DAB1: variants seen among roughly 807,000 people sequenced by gnomAD.
DAB1 encodes disabled homolog 1.
Under a neutral mutation model 64.6 loss-of-function variants are expected in DAB1, and 15 were observed. The observed-to-expected ratio is 0.23, with a 90% confidence interval of 0.16 to 0.36. The LOEUF is 0.36. Among genes scored for constraint, DAB1 ranks in the 10% least tolerant of loss-of-function variants. DAB1 has a pLI of 1.00. For missense variants in DAB1, 596 were observed against 706.7 expected, an observed-to-expected ratio of 0.84 and a Z score of 1.78; for synonymous variants, 235 against 251.9, an observed-to-expected ratio of 0.93 and a Z score of 0.64.
intron 4 of DAB1, among the ~76,000 whole-genome samples, chr1:57,075,409 T>C (rs934089310): frequency 2.0e-5 from 3 of 152,196 alleles, no homozygotes; most frequent in African/African-American, 7.2e-5. Flanking sequence ...TTCTCTCTCA[T>C]AGTTAATTTT....
intron 6 of DAB1, among the ~76,000 whole-genome samples, chr1:57,692,311 T>A (rs1646773505): frequency 6.6e-6 from 1 of 151,792 alleles, no homozygotes; most frequent in Non-Finnish European, 1.5e-5. Flanking sequence ...TGATTTCTAG[T>A]ATAAACTAAG....
intron 6 of DAB1, among the ~76,000 whole-genome samples, chr1:57,666,744 C>A (rs1646452255): frequency 6.6e-6 from 1 of 152,168 alleles, no homozygotes; most frequent in African/African-American, 2.4e-5. Flanking sequence ...CTACCATCAT[C>A]TTTCACCTTG....
chr1:57,922,337 G>A (rs371731401), intron 5 of DAB1, among the ~76,000 whole-genome samples: 2 of 151,822 alleles, frequency 1.3e-5, no homozygotes, highest in Admixed American at 6.6e-5. Context: ...AAGAAATGAA[G>A]GATGTGTAGA....
chr1:57,771,518 G>A (rs1649560280), intron 6 of DAB1, among the ~76,000 whole-genome samples: 1 of 152,120 alleles, frequency 6.6e-6, no homozygotes, highest in South Asian at 2.1e-4. Context: ...AGTTAGAGAA[G>A]AGTAGTTATC....
At chr1:57,878,115 TAAC>T (rs1413338873) in intron 1 of DAB1, among the ~76,000 whole-genome samples, 6 of 151,888 alleles carry the variant, frequency 4.0e-5, no homozygotes, top group African/African-American at 1.4e-4. Context: ...CATATGTCAA[TAAC>T]AACATGAAAA....
Position 58,303,422 on chromosome 1 carries a change from C to G in DAB1, n.309+39930G>C, listed in dbSNP as rs77102955. 4.4e-3 allele frequency among the ~76,000 whole-genome samples: 676 copies of G among 152,186 alleles called. 10 individuals are homozygous for G. The highest frequency in any genetic ancestry group is 0.038 in the East Asian group (195 of 5,174). On this transcript the variant is annotated intron_variant and non_coding_transcript_variant, in intron 4 of 20. Transcript: ENST00000485760. Reference sequence around the variant, plus strand: ...GGTCCTTCCCAGACCCTGACTGATACAAGTTTAATATGGAGATGAACAGAA... The same window carrying G: ...GGTCCTTCCCAGACCCTGACTGATAGAAGTTTAATATGGAGATGAACAGAA...
chr1:58,499,513 G>GATAGATAGATAA (rs1244891948), intron 3 of DAB1, among the ~76,000 whole-genome samples: 13 of 149,396 alleles, frequency 8.7e-5, no homozygotes, highest in East Asian at 5.9e-4. Flanking sequence ...TAGATAAATA[G>GATAGATAGATAA]ATAGATAGAT....
intron 3 of DAB1, among the ~76,000 whole-genome samples, chr1:58,440,147 A>G (rs1644992397): frequency 6.6e-6 from 1 of 152,206 alleles, no homozygotes; most frequent in African/African-American, 2.4e-5. Context: ...GCCTGGGAAG[A>G]TTTCCAAGAT....
intron 6 of DAB1, among the ~76,000 whole-genome samples, chr1:57,662,808 T>C (rs1222410684): frequency 6.6e-6 from 1 of 152,220 alleles, no homozygotes; most frequent in Non-Finnish European, 1.5e-5. Context: ...ACAGATCACC[T>C]ATGGGAAATG....
intron 5 of DAB1, among the ~76,000 whole-genome samples, chr1:58,028,064 T>C (rs1019663545): frequency 1.3e-5 from 2 of 152,184 alleles, no homozygotes; most frequent in African/African-American, 2.4e-5. Flanking sequence ...ATCTGTAGAA[T>C]ATAATTCCCA....
At chr1:58,419,007 C>A (rs1056084010) in intron 3 of DAB1, among the ~76,000 whole-genome samples, 2 of 152,184 alleles carry the variant, frequency 1.3e-5, no homozygotes, top group Non-Finnish European at 2.9e-5. Flanking sequence ...TAAGAGCCAG[C>A]ACATCAGCCC....
At chr1:57,566,459 A>G (rs1162365075) in intron 7 of DAB1, among the ~76,000 whole-genome samples, 2 of 152,138 alleles carry the variant, frequency 1.3e-5, no homozygotes, top group Non-Finnish European at 2.9e-5. Flanking sequence ...GACACAAAAA[A>G]CCCTTCAAAA....
chr1:57,794,347 T>C (rs1025444259), intron 6 of DAB1, among the ~76,000 whole-genome samples: 2 of 152,242 alleles, frequency 1.3e-5, no homozygotes, highest in South Asian at 2.1e-4. Context: ...TTGGTTTCTG[T>C]GTATCTCTCT....
intron 6 of DAB1, among the ~76,000 whole-genome samples, chr1:57,805,273 A>G (rs2101877523): frequency 6.6e-6 from 1 of 152,344 alleles, no homozygotes; most frequent in African/African-American, 2.4e-5. Flanking sequence ...AAGTATTTCA[A>G]GGTGCTTGGA....
chr1:58,099,258 A>G (rs952065956), intron 5 of DAB1, among the ~76,000 whole-genome samples: 1 of 152,140 alleles, frequency 6.6e-6, no homozygotes, highest in African/African-American at 2.4e-5. Context: ...TTCTGGCCAC[A>G]TCTCTCTCCC....
At chr1:57,325,041 A>G (rs909282842) in intron 1 of DAB1, among the ~76,000 whole-genome samples, 22 of 152,224 alleles carry the variant, frequency 1.4e-4, no homozygotes, top group African/African-American at 5.3e-4. Flanking sequence ...AATAAGCCAC[A>G]TGTATCCTGT....
intron 7 of DAB1, among the ~76,000 whole-genome samples, chr1:57,479,352 T>C (rs1292664355): frequency 6.6e-6 from 1 of 151,652 alleles, no homozygotes; most frequent in East Asian, 1.9e-4. Flanking sequence ...GGACATAATG[T>C]ATAAGAAAAG....
intron 1 of DAB1, chr1:57,862,974 T>C (rs1654129382): frequency 6.6e-6 from 1 of 152,200 alleles, no homozygotes; most frequent in Non-Finnish European, 1.5e-5. Context: ...TAAAGACTTG[T>C]GCACAAATGA....
chr1:57,255,310 C>G (rs1327674141), intron 2 of DAB1, among the ~76,000 whole-genome samples: 2 of 151,996 alleles, frequency 1.3e-5, no homozygotes, highest in East Asian at 3.9e-4. Flanking sequence ...TCTATGAATC[C>G]CAAACAATGC....
Sources: gnomAD v4.1 joint callset for allele counts (sites outside exome capture counted in the v4.1 genomes callset) on GRCh38, gnomAD v4.1.1 for gene constraint, MANE v1.5 for transcripts, NCBI Gene and HGNC (gene_info 2026-07-23, HGNC 2026-07-21) for gene names.